SPAST: variants seen among roughly 807,000 people sequenced by gnomAD.
SPAST encodes the protein spastin, also known as spastic paraplegia 4 (autosomal dominant; spastin).
Under a neutral mutation model 76.6 loss-of-function variants are expected in SPAST, and 30 were observed. The ratio of observed to expected loss-of-function variants is 0.39; its 90% confidence interval spans 0.29 to 0.53. SPAST has a LOEUF of 0.53. Ranked by LOEUF, SPAST falls within the 20% of genes least tolerant of loss-of-function variation. The pLI is 0.68. For missense variants in SPAST, 717 were observed against 770.5 expected, an observed-to-expected ratio of 0.93 and a Z score of 0.82; for synonymous variants, 305 against 281.0, an observed-to-expected ratio of 1.09 and a Z score of -0.86.
chr2:32,104,406 A>G (rs1025645293), intron 4 of SPAST, among the ~76,000 whole-genome samples: 2 of 152,100 alleles, frequency 1.3e-5, no homozygotes, highest in Admixed American at 6.5e-5. Context: ...TCGTTATCCA[A>G]TTTGCCAGTC....
At chr2:32,114,330 C>G (rs1678739223) in intron 4 of SPAST, among the ~76,000 whole-genome samples, 1 of 152,062 alleles carries the variant, frequency 6.6e-6, no homozygotes, top group African/African-American at 2.4e-5. Flanking sequence ...GGATGGATCA[C>G]TTGAGCCCAG....
chr2:32,141,633 C>CAGATATTAGA (rs1679722733), intron 12 of SPAST, among the ~76,000 whole-genome samples: 1 of 152,152 alleles, frequency 6.6e-6, no homozygotes, highest in Non-Finnish European at 1.5e-5. Flanking sequence ...GAAGACAGAT[C>CAGATATTAGA]TACTTATATC....
In SPAST at chr2:32,154,643, C is replaced by G. The variant is rs1279380026; in HGVS notation, c.*147C>G. On this transcript the variant is annotated 3_prime_UTR_variant, in exon 17 of 17. Coordinates refer to ENST00000315285, the MANE Select transcript of SPAST (RefSeq NM_014946.4). ...TTGTGCACCAAACTTGAAGATGAAC[C>G]AGAAAACAGACTTAAACAAAATATA... The G allele has an allele frequency of 1.3e-6, 1 of 799,342 alleles. No individual in the cohort carries two copies. The highest frequency in any genetic ancestry group is 2.0e-6 in the Non-Finnish European group (1 of 492,098). The allele number at this position is 799,342 out of a possible 1,614,324, so 49.5% of individuals were successfully genotyped here.
intron 9 of SPAST, among the ~76,000 whole-genome samples, chr2:32,131,882 G>A (rs754753129): frequency 3.7e-4 from 56 of 151,640 alleles, no homozygotes; most frequent in African/African-American, 6.3e-4. Context: ...GGATGGTCTC[G>A]ATCTCCTGAC....
Position 32,154,573 on chromosome 2 carries a change from A to G in SPAST, c.*77A>G. On this transcript the variant is annotated 3_prime_UTR_variant, in exon 17 of 17. Transcript: ENST00000315285. ...AGATCTTCAATGAACGTCATCGGCT[A>G]CAGAAACAGCCTAAGTTTACAGGAC... is the stretch of plus-strand genomic sequence containing the variant. 1 of 1,453,100 alleles carries G rather than the reference A, an allele frequency of 6.9e-7. No homozygotes were observed. Among genetic ancestry groups the G allele is most frequent in the Non-Finnish European group, 9.6e-7 (1 of 1,036,586 alleles). 90.0% of individuals were successfully genotyped at this position (1,453,100 alleles called of 1,614,324 possible). A position where few individuals can be genotyped will look rare whatever the true frequency, so the allele number is the denominator to read the frequency against.
chr2:32,122,200 G>T (rs1679044068), intron 7 of SPAST, among the ~76,000 whole-genome samples: 2 of 152,128 alleles, frequency 1.3e-5, no homozygotes, highest in South Asian at 2.1e-4. Context: ...CTCTAGAAAA[G>T]AATTTTCTAG....
At chr2:32,123,766 G>T (rs1055085516) in intron 7 of SPAST, among the ~76,000 whole-genome samples, 12 of 152,178 alleles carry the variant, frequency 7.9e-5, no homozygotes, top group African/African-American at 2.7e-4. Flanking sequence ...AGACAATTCA[G>T]TGGAGAAAAG....
intron 7 of SPAST, among the ~76,000 whole-genome samples, chr2:32,116,513 T>C (rs1678841090): frequency 6.6e-6 from 1 of 152,170 alleles, no homozygotes; most frequent in Admixed American, 6.6e-5. Context: ...TCGCCCAGGC[T>C]GGAGTGCAGT....
chr2:32,073,718 A>G (rs989881083), intron 1 of SPAST, among the ~76,000 whole-genome samples: 2 of 152,312 alleles, frequency 1.3e-5, no homozygotes, highest in East Asian at 1.9e-4. Flanking sequence ...TCGTTTGTGA[A>G]TTATTAACAA....
In SPAST at chr2:32,064,008, A is replaced by G; in HGVS notation, c.177A>G (p.Val59=). ...NLYYFSYPLF[V]GFALLRLVAF... ...ACTATTTCTCCTACCCGCTGTTTGT[A>G]GGCTTCGCGCTGCTGCGTTTGGTCG... Residue 59 remains valine (V), a synonymous_variant, in exon 1 of 17, where the codon GTA becomes GTG. Coordinates refer to ENST00000315285, the MANE Select transcript of SPAST (RefSeq NM_014946.4). The G allele has an allele frequency of 1.2e-6, 2 of 1,613,170 alleles. No homozygotes were observed. The highest frequency in any genetic ancestry group is 1.7e-6 in the Non-Finnish European group (2 of 1,179,502).
At chr2:32,085,779 G>T (rs923473773) in intron 1 of SPAST, among the ~76,000 whole-genome samples, 1 of 151,942 alleles carries the variant, frequency 6.6e-6, no homozygotes, top group Non-Finnish European at 1.5e-5. Context: ...GCTCGTGAGC[G>T]CCTGTAATCC....
At chr2:32,087,676 TTTC>T in intron 2 of SPAST, 98 bp downstream of exon 2, 1 of 362,286 alleles carries the variant, frequency 2.8e-6, no homozygotes, top group East Asian at 6.0e-5. Context: ...TTTTTCTTTC[TTTC>T]TTTTCTTTTC....
At chr2:32,142,203 C>A (rs549155225) in intron 13 of SPAST, among the ~76,000 whole-genome samples, 64 of 152,174 alleles carry the variant, frequency 4.2e-4, no homozygotes, top group Middle Eastern at 3.4e-3. Flanking sequence ...ATAGCCAGAA[C>A]TACAAATGAT....
At chr2:32,135,236 TCTC>T (rs1245936731) in intron 9 of SPAST, among the ~76,000 whole-genome samples, 1 of 151,204 alleles carries the variant, frequency 6.6e-6, no homozygotes, top group Non-Finnish European at 1.5e-5. Context: ...TTCACGCCAT[TCTC>T]CTGCCTCAGC....
chr2:32,152,949 T>A (rs1355582037), intron 16 of SPAST, among the ~76,000 whole-genome samples: 8 of 152,124 alleles, frequency 5.3e-5, no homozygotes, highest in African/African-American at 1.7e-4. Flanking sequence ...GGCTTTGCCA[T>A]GTTGCCCAGG....
intron 16 of SPAST, among the ~76,000 whole-genome samples, chr2:32,151,724 A>G (rs974336179): frequency 1.3e-5 from 2 of 152,174 alleles, no homozygotes; most frequent in African/African-American, 2.4e-5. Flanking sequence ...AGCCTGGCCA[A>G]CGTGGCGAAA....
Position 32,156,689 on chromosome 2 carries a change from G to A in SPAST, c.*2193G>A, listed in dbSNP as rs1680265253. On this transcript the variant is annotated 3_prime_UTR_variant, in exon 17 of 17. Transcript: ENST00000315285. ...AACGTTATTGATACTTGGATAACTG[G>A]CTAATCATATTAAAGGACTATGTGG... The A allele has an allele frequency of 6.6e-6, 1 of 152,026 alleles. No individual in the cohort carries two copies. Among genetic ancestry groups the A allele is most frequent in the Non-Finnish European group, 1.5e-5 (1 of 67,994 alleles). The allele number at this position is 152,026 out of a possible 1,614,324, so 9.4% of individuals were successfully genotyped here.
At chr2:32,128,242 G>T in intron 8 of SPAST, 166 bp from the exon 9 acceptor site, 1 of 584,798 alleles carries the variant, frequency 1.7e-6, no homozygotes. Flanking sequence ...TGATGCGCCT[G>T]CCTCGGCCTC....
chr2:32,102,087 T>C (rs192918798), intron 4 of SPAST, among the ~76,000 whole-genome samples: 106 of 152,340 alleles, frequency 7.0e-4, no homozygotes, highest in African/African-American at 2.4e-3. Context: ...TTTCATGATA[T>C]TGATTCTTCC....
Sources: gnomAD v4.1 joint callset for allele counts (sites outside exome capture counted in the v4.1 genomes callset) on GRCh38, gnomAD v4.1.1 for gene constraint, MANE v1.5 for transcripts, NCBI Gene and HGNC (gene_info 2026-07-23, HGNC 2026-07-21) for gene names.